Variants in KAT6A observed in about 807,000 individuals in gnomAD.
KAT6A encodes lysine acetyltransferase 6A.
In KAT6A, 9 loss-of-function variants were observed where a neutral mutation model predicts 198.4. That is an observed-to-expected ratio of 0.05 (90% CI 0.03 to 0.08). KAT6A has a LOEUF of 0.08. KAT6A is among the 10% of genes least tolerant of loss of function. The pLI is 1.00. For missense variants in KAT6A, 2,077 were observed against 2,509.9 expected (o/e 0.83, Z 3.69); for synonymous variants, 890 against 883.0 (o/e 1.01, Z -0.14).
chr8:41,943,540 C>T (rs1822244288), intron 13 of KAT6A, among the ~76,000 whole-genome samples: 1 of 151,970 alleles, frequency 6.6e-6, no homozygotes. Context: ...AAAAACAATT[C>T]AGTTTAAAAA....
chr8:42,022,249 A>C (rs1826577057), intron 2 of KAT6A, among the ~76,000 whole-genome samples: 1 of 152,160 alleles, frequency 6.6e-6, no homozygotes, highest in African/African-American at 2.4e-5. Flanking sequence ...CTGATACTGT[A>C]TCAGGTTTGT....
chr8:41,964,879 C>T (rs752580275), intron 8 of KAT6A, among the ~76,000 whole-genome samples: 1 of 152,146 alleles, frequency 6.6e-6, no homozygotes, highest in African/African-American at 2.4e-5. Context: ...ATGCACCCTT[C>T]TGATGATGAT....
At chr8:42,049,736 A>T (rs1454491125) in intron 1 of KAT6A, 1 of 152,256 alleles carries the variant, frequency 6.6e-6, no homozygotes, top group Non-Finnish European at 1.5e-5. Context: ...TGAATCTTTC[A>T]TCTTTCAAAA....
chr8:41,971,546 A>C, intron 8 of KAT6A, among the ~76,000 whole-genome samples: 1 of 151,674 alleles, frequency 6.6e-6, no homozygotes, highest in East Asian at 1.9e-4. Flanking sequence ...GAGAGCAAAA[A>C]GAGCAGCCAA....
At chr8:42,050,021 C>G (rs1454742582) in intron 1 of KAT6A, among the ~76,000 whole-genome samples, 1 of 152,042 alleles carries the variant, frequency 6.6e-6, no homozygotes, top group Non-Finnish European at 1.5e-5. Context: ...TGTTTCTATT[C>G]ATATGCTGAA....
intron 2 of KAT6A, among the ~76,000 whole-genome samples, chr8:42,038,505 C>T (rs954121007): frequency 6.7e-6 from 1 of 149,684 alleles, no homozygotes; most frequent in Non-Finnish European, 1.5e-5. Flanking sequence ...TTTAGGCTCA[C>T]TGCTCTCTAA....
At chr8:41,960,644 T>C (rs967056813) in intron 8 of KAT6A, among the ~76,000 whole-genome samples, 31 of 152,234 alleles carry the variant, frequency 2.0e-4, no homozygotes, top group Admixed American at 1.8e-3. Context: ...TCCCTTTTCC[T>C]AAGCCTTTTT....
At chr8:41,984,235 C>G (rs1228251678) in intron 3 of KAT6A, among the ~76,000 whole-genome samples, 1 of 152,186 alleles carries the variant, frequency 6.6e-6, no homozygotes, top group Non-Finnish European at 1.5e-5. Context: ...ATCTGCATAA[C>G]CAAGAAGATA....
chr8:41,977,058 C>G lies in KAT6A; in HGVS notation c.1313G>C (p.Arg438Pro). The change falls in exon 7 of 17, where the codon CGA becomes CCA. Residue 438 changes from arginine (R) to proline (P), a missense_variant. This residue lies in a region of KAT6A where 206 missense variants were observed against 214.9 expected (regional missense o/e 0.96). Coordinates refer to ENST00000265713, the MANE Select transcript of KAT6A (RefSeq NM_006766.5). ...GEVVDYSEQY[R>P]IRKRGNRKSS... Reference sequence around the variant, plus strand: ...TTTCCTGTTGCCCCTCTTTCTGATTCGATATTGCTCAGAGTAGTCCACCAC... The same window carrying G: ...TTTCCTGTTGCCCCTCTTTCTGATTGGATATTGCTCAGAGTAGTCCACCAC... 1.2e-6 allele frequency: 2 copies of G among 1,612,764 alleles called. No homozygotes were observed. Among genetic ancestry groups the G allele is most frequent in the South Asian group, 1.1e-5 (1 of 91,024 alleles).
chr8:41,965,302 ATTC>A (rs1378755286), intron 8 of KAT6A, among the ~76,000 whole-genome samples: 8 of 152,208 alleles, frequency 5.3e-5, no homozygotes, highest in Non-Finnish European at 7.4e-5. Context: ...CATAAATATT[ATTC>A]TTTTTATTTT....
At chr8:42,051,661 C>T (rs1268791911) in intron 1 of KAT6A, among the ~76,000 whole-genome samples, 1 of 145,162 alleles carries the variant, frequency 6.9e-6, no homozygotes, top group Non-Finnish European at 1.5e-5. Flanking sequence ...GCGCGGGCCG[C>T]GGGCCGGGGC....
intron 4 of KAT6A, 21 bp downstream of exon 4, chr8:41,981,818 T>C (rs1276645267): frequency 7.0e-7 from 1 of 1,435,574 alleles, no homozygotes; most frequent in South Asian, 1.2e-5. Context: ...AACACCCATA[T>C]TAGAAGGCAG....
chr8:42,006,591 C>A (rs1028654476), intron 2 of KAT6A, among the ~76,000 whole-genome samples: 1 of 152,142 alleles, frequency 6.6e-6, no homozygotes, highest in Non-Finnish European at 1.5e-5. Context: ...CTTTGAGAGT[C>A]ATGTGGACGC....
chr8:42,021,249 G>GA (rs1226389017), intron 2 of KAT6A, among the ~76,000 whole-genome samples: 5 of 152,134 alleles, frequency 3.3e-5, no homozygotes, highest in African/African-American at 1.2e-4. Flanking sequence ...ATGTGTTCAT[G>GA]AAAATTTCAA....
At chr8:41,946,048 AT>A (rs1411430972) in intron 12 of KAT6A, among the ~76,000 whole-genome samples, 3 of 150,536 alleles carry the variant, frequency 2.0e-5, no homozygotes, top group South Asian at 4.2e-4. Context: ...AAAAAAAAAA[AT>A]TCGTGTCCAA....
chr8:42,050,638 T>C (rs1802567312), intron 1 of KAT6A, among the ~76,000 whole-genome samples: 1 of 152,140 alleles, frequency 6.6e-6, no homozygotes, highest in African/African-American at 2.4e-5. Context: ...GAATCATGCT[T>C]CAATTTGGTG....
chr8:42,044,904 C>G (rs1465692918), intron 2 of KAT6A, among the ~76,000 whole-genome samples: 1 of 152,122 alleles, frequency 6.6e-6, no homozygotes, highest in East Asian at 1.9e-4. Context: ...TTTTTGAGAA[C>G]ATCTAGGTTC....
chr8:41,934,492 T>A lies in KAT6A; in HGVS notation c.3728A>T (p.Asp1243Val). The part of the protein sequence containing the change: ...AEEAEEGEEE[D>V]AASSEVPAAS... The stretch of plus-strand genomic sequence containing the variant: ...TGCTGGGACTTCACTGCTGGCTGCA[T>A]CCTCTTCCTCACCCTCTTCAGCCTC... Residue 1243 changes from aspartate to valine, a missense_variant, in exon 17 of 17, where the codon GAT (aspartate) becomes GTT (valine). By Grantham distance (152) the Asp-to-Val change is radical. Coordinates refer to ENST00000265713, the MANE Select transcript of KAT6A (RefSeq NM_006766.5). The A allele has an allele frequency of 6.2e-7, 1 of 1,611,880 alleles. No homozygotes were observed. The highest frequency in any genetic ancestry group is 2.2e-5 in the East Asian group (1 of 44,836).
chr8:42,039,669 T>C (rs925663501), intron 2 of KAT6A, among the ~76,000 whole-genome samples: 9 of 152,204 alleles, frequency 5.9e-5, no homozygotes, highest in African/African-American at 1.9e-4. Context: ...GTATTTTGCA[T>C]TTCCTTATAT....
Sources: allele counts gnomAD v4.1 joint callset (sites outside exome capture counted in the v4.1 genomes callset), GRCh38; gene constraint gnomAD v4.1.1; regional missense constraint gnomAD v4.1.1; transcripts MANE v1.5; gene names NCBI Gene and HGNC (gene_info 2026-07-23, HGNC 2026-07-21).